The following FPGS variants were observed in gnomAD, a reference collection of about 807,000 sequenced individuals.
The protein encoded by FPGS is folylpolyglutamate synthase.
FPGS carries 53 observed loss-of-function variants against 66.5 expected under a neutral mutation model. That is an observed-to-expected ratio of 0.80 (90% CI 0.64 to 1.00). The LOEUF is 1.00. Ranked by LOEUF, FPGS falls within the 50% of genes least tolerant of loss-of-function variation. The probability of loss-of-function intolerance (pLI) is 0.00; values close to 1 mark genes in which losing one functional copy is unlikely to be tolerated. For synonymous variants in FPGS, 348 were observed against 350.9 expected, an observed-to-expected ratio of 0.99 and a Z score of 0.09; for missense variants, 702 against 807.7, an observed-to-expected ratio of 0.87 and a Z score of 1.59.
intron 14 of FPGS, 108 bp downstream of exon 14, chr9:127,811,119 T>C (rs1830057383): frequency 5.2e-6 from 3 of 582,158 alleles, no homozygotes; most frequent in Admixed American, 2.9e-5. Flanking sequence ...TGTTTTACTG[T>C]GTAAGAACAC....
intron 14 of FPGS, among the ~76,000 whole-genome samples, chr9:127,812,491 C>A (rs980519309): frequency 6.6e-6 from 1 of 151,666 alleles, no homozygotes; most frequent in African/African-American, 2.4e-5. Context: ...CCACTACACC[C>A]GGCTAATTTT....
chr9:127,812,662 C>A (rs1469709028), intron 14 of FPGS, among the ~76,000 whole-genome samples: 2 of 151,888 alleles, frequency 1.3e-5, no homozygotes, highest in Non-Finnish European at 2.9e-5. Context: ...TGCCACCACA[C>A]CTGGCTAATT....
At chr9:127,804,446 C>T (rs745341157) in intron 2 of FPGS, 33 bp downstream of exon 2, 15 of 1,613,866 alleles carry the variant, frequency 9.3e-6, no homozygotes, top group South Asian at 2.2e-5. Context: ...CCACCTCCCA[C>T]CCCCATTTGT....
chr9:127,808,624 C>G lies in FPGS; in HGVS notation c.889C>G (p.Leu297Val). Residue 297 changes from leucine to valine, a missense_variant, in exon 10 of 15, where the codon CTG becomes GTG. Leu to Val is a conservative substitution (Grantham distance 32). Coordinates refer to ENST00000373247, the MANE Select transcript of FPGS (RefSeq NM_004957.6). Reference sequence around the variant, plus strand: ...AGGGGGGCCGCCGCTGACCCTGGGCCTGGAGGGGGAGCACCAGCGGTCCAA... The same window carrying G: ...AGGGGGGCCGCCGCTGACCCTGGGCGTGGAGGGGGAGCACCAGCGGTCCAA... Reference protein sequence around the residue: ...EEGGPPLTLGLEGEHQRSNAA... With the variant: ...EEGGPPLTLGVEGEHQRSNAA... The G allele has an allele frequency of 6.2e-7, 1 of 1,611,918 alleles. No homozygotes were observed. The highest frequency in any genetic ancestry group is 8.5e-7 in the Non-Finnish European group (1 of 1,179,604).
At chr9:127,812,441 C>T (rs892407674) in intron 14 of FPGS, among the ~76,000 whole-genome samples, 4 of 151,418 alleles carry the variant, frequency 2.6e-5, no homozygotes, top group African/African-American at 4.9e-5. Flanking sequence ...AATGATTCTC[C>T]TGCCTCAGCC....
intron 14 of FPGS, 100 bp downstream of exon 14, chr9:127,811,111 T>C (rs1336362033): frequency 3.2e-6 from 2 of 627,196 alleles, no homozygotes; most frequent in East Asian, 5.7e-5. Context: ...AATAAATTTG[T>C]TTTACTGTGT....
intron 4 of FPGS, among the ~76,000 whole-genome samples, chr9:127,805,025 A>G (rs1391816111): frequency 1.3e-5 from 2 of 151,624 alleles, no homozygotes; most frequent in African/African-American, 2.4e-5. Context: ...AGTAGCTTGG[A>G]TTACAGGCAC....
At position 127,813,355 on chromosome 9, in the gene FPGS, C is replaced by T. The variant is rs1179439664; in HGVS notation, c.1515C>T (p.His505=). Residue 505 remains histidine (H), a synonymous_variant, in exon 15 of 15, where the codon CAC becomes CAT. Transcript: ENST00000373247. ...CCGCATCCCTGCTTCTGGCGCCCCACCCACCCCACACCTGCAGTGCCAGCT... is the reference window on the plus strand; with the variant it reads ...CCGCATCCCTGCTTCTGGCGCCCCATCCACCCCACACCTGCAGTGCCAGCT... ...GGSASLLLAP[H]PPHTCSASSL... is the part of the protein sequence containing the mutation. The T allele has an allele frequency of 3.1e-6, 5 of 1,612,728 alleles. No individual in the cohort carries two copies. Among genetic ancestry groups the T allele is most frequent in the Non-Finnish European group, 4.2e-6 (5 of 1,179,526 alleles).
chr9:127,814,492 A>AAAT (rs1830236008), downstream of FPGS, among the ~76,000 whole-genome samples: 1 of 152,046 alleles, frequency 6.6e-6, no homozygotes, highest in Non-Finnish European at 1.5e-5. Flanking sequence ...AAAAATACAA[A>AAAT]AATTATTAGC....
intron 1 of FPGS, 180 bp downstream of exon 1, chr9:127,803,242 G>C (rs1242721210): frequency 8.0e-7 from 1 of 1,247,064 alleles, no homozygotes; most frequent in Admixed American, 4.3e-5. Context: ...AGTTGGGCCC[G>C]GGCCGCCGGG....
rs1400599916 is a variant in FPGS, at chr9:127,813,432, G to C, written c.1592G>C (p.Arg531Pro). 1 of 1,610,766 alleles carries C rather than the reference G, an allele frequency of 6.2e-7. No homozygotes were observed. The highest frequency in any genetic ancestry group is 8.5e-7 in the Non-Finnish European group (1 of 1,178,220). The change falls in exon 15 of 15, where the codon CGA (arginine) becomes CCA (proline). Residue 531 changes from arginine to proline, a missense_variant. Coordinates refer to ENST00000373247, the MANE Select transcript of FPGS (RefSeq NM_004957.6). ...SHALQWISQG[R>P]DPIFQPPSPP... ...GCCTTGCAATGGATCAGCCAAGGCC[G>C]AGACCCCATCTTCCAGCCACCTAGT... is the stretch of plus-strand genomic sequence containing the variant.
At position 127,807,957 on chromosome 9, in the gene FPGS, T is replaced by G. The variant is rs1829885627; in HGVS notation, c.744+269T>G. The stretch of plus-strand genomic sequence containing the variant: ...TCTGTCTCTACTAAAAATACAAAAA[T>G]TAGCCAGGTGTGGTGGTGTACGCCT... On this transcript the variant is annotated intron_variant, in intron 8 of 14. Transcript: ENST00000373247. The surrounding 1 kb of genome is among the most constrained non-coding windows in gnomAD (Gnocchi z 5.8). 3.6e-6 allele frequency: 2 copies of G among 560,420 alleles called. No individual in the cohort carries two copies. Among genetic ancestry groups the G allele is most frequent in the African/African-American group, 1.9e-5 (1 of 52,782 alleles). The allele number at this position is 560,420 out of a possible 1,614,324, so 34.7% of individuals were successfully genotyped here.
chr9:127,813,146 C>T, intron 14 of FPGS, 49 bp from the exon 15 acceptor site: 1 of 1,518,152 alleles, frequency 6.6e-7, no homozygotes, highest in Non-Finnish European at 8.8e-7. Context: ...CACCCCTGTC[C>T]CTTACTCCCT....
intron 1 of FPGS, 134 bp from the exon 2 acceptor site, chr9:127,804,151 T>G: frequency 8.6e-7 from 1 of 1,162,270 alleles, no homozygotes; most frequent in East Asian, 2.4e-5. Context: ...CAGGCTAGGC[T>G]AACAGTGCTG....
intron 4 of FPGS, 176 bp from the exon 5 acceptor site, chr9:127,806,797 T>C: frequency 1.7e-6 from 1 of 603,954 alleles, no homozygotes; most frequent in Non-Finnish European, 2.9e-6. Context: ...GGCCTGGAGA[T>C]AGAAGATGGG....
At chr9:127,806,842 G>C in intron 4 of FPGS, 131 bp from the exon 5 acceptor site, 1 of 686,128 alleles carries the variant, frequency 1.5e-6, no homozygotes, top group Non-Finnish European at 2.6e-6. Context: ...CCGGGGGGAT[G>C]GGGCACCAGG....
chr9:127,806,189 C>T (rs537937975), intron 4 of FPGS, among the ~76,000 whole-genome samples: 81 of 151,846 alleles, frequency 5.3e-4, no homozygotes, highest in Non-Finnish European at 1.2e-3. Context: ...GCCAACATGG[C>T]GAAACCCTAT....
At position 127,807,354 on chromosome 9, in the gene FPGS, G is replaced by A; in HGVS notation, c.580-67G>A. On this transcript the variant is annotated intron_variant, in intron 6 of 14. Transcript: ENST00000373247. This position sits in a 1 kb window ranked among gnomAD's most constrained non-coding sequence, Gnocchi z 5.8. The stretch of plus-strand genomic sequence containing the variant: ...AACGGGAACCTCAGCAGGCCTGGGG[G>A]CTCCCTGCTTCCATGCGGCCTCTGG... The A allele has an allele frequency of 1.2e-6, 2 of 1,611,186 alleles. No homozygotes were observed. The highest frequency in any genetic ancestry group is 8.5e-7 in the Non-Finnish European group (1 of 1,177,588).
At chr9:127,804,057 C>T (rs1263112243) in intron 1 of FPGS, among the ~76,000 whole-genome samples, 2 of 152,238 alleles carry the variant, frequency 1.3e-5, no homozygotes, top group Non-Finnish European at 2.9e-5. Flanking sequence ...CTTTGTGTAG[C>T]ACTCCCTGGG....
Sources: gnomAD v4.1 joint callset for allele counts (sites outside exome capture counted in the v4.1 genomes callset) on GRCh38, gnomAD v4.1.1 for gene constraint, Gnocchi (gnomAD v3.1) non-coding constraint, MANE v1.5 for transcripts, NCBI Gene and HGNC (gene_info 2026-07-23, HGNC 2026-07-21) for gene names.